The following IL1A variants were observed in gnomAD, a reference collection of about 807,000 sequenced individuals.
The protein encoded by IL1A is interleukin-1 alpha.
Under a neutral mutation model 22.2 loss-of-function variants are expected in IL1A, and 16 were observed. The ratio of observed to expected loss-of-function variants is 0.72; its 90% confidence interval spans 0.49 to 1.09. The LOEUF (loss-of-function observed/expected upper bound fraction) is 1.09. Ranked by LOEUF, IL1A falls within the 50% of genes least tolerant of loss-of-function variation. The probability of loss-of-function intolerance (pLI) is 0.00; values close to 1 mark genes in which losing one functional copy is unlikely to be tolerated. For missense variants in IL1A, 317 were observed against 321.8 expected (o/e 0.99, Z 0.11); for synonymous variants, 113 against 118.5 (o/e 0.95, Z 0.30).
intron 2 of IL1A, among the ~76,000 whole-genome samples, chr2:112,783,075 G>A (rs1681243693): frequency 6.6e-6 from 1 of 152,224 alleles, no homozygotes; most frequent in South Asian, 2.1e-4. Context: ...TTAGAGAAAA[G>A]AAAGGTTTTG....
Position 112,782,728 on chromosome 2 carries a change from C to T in IL1A, c.84G>A (p.Leu28=), listed in dbSNP as rs766943763. The change falls in exon 3 of 7, where the codon CTG becomes CTA. Residue 28 remains leucine (L), a synonymous_variant. Coordinates refer to ENST00000263339, the MANE Select transcript of IL1A (RefSeq NM_000575.5). The stretch of plus-strand genomic sequence containing the variant: ...GTCATTTGCTTACCTGATTCAGAGA[C>T]AGATGATCAATGGAGGAACTGTCTT... ...NEEDSSSIDH[L]SLNQKSFYHV... 1.2e-5 allele frequency: 19 copies of T among 1,607,006 alleles called. No individual in the cohort carries two copies. In the East Asian group the frequency reaches 1.3e-4, roughly 11 times the overall value.
intron 5 of IL1A, among the ~76,000 whole-genome samples, chr2:112,779,274 G>T (rs532786116): frequency 6.6e-6 from 1 of 152,286 alleles, no homozygotes; most frequent in African/African-American, 2.4e-5. Context: ...TACTCTCAAA[G>T]ATAGGAAACT....
At chr2:112,783,495 A>G (rs1681249220) in intron 2 of IL1A, among the ~76,000 whole-genome samples, 1 of 152,222 alleles carries the variant, frequency 6.6e-6, no homozygotes, top group Non-Finnish European at 1.5e-5. Context: ...GCAGACCTCA[A>G]AAATAATTTT....
At chr2:112,780,302 G>C (rs917347831) in intron 4 of IL1A, among the ~76,000 whole-genome samples, 3 of 152,174 alleles carry the variant, frequency 2.0e-5, no homozygotes, top group Non-Finnish European at 4.4e-5. Context: ...AGACATATTT[G>C]TTCACATGTA....
chr2:112,780,163 T>C (rs1165290000), intron 4 of IL1A, among the ~76,000 whole-genome samples: 1 of 152,184 alleles, frequency 6.6e-6, no homozygotes, highest in African/African-American at 2.4e-5. Flanking sequence ...GAAATGAATA[T>C]TTATTTATAC....
rs1186317987 is a variant in IL1A at position 112,774,928 on chromosome 2, G to C, written c.*139C>G. On this transcript the variant is annotated 3_prime_UTR_variant, in exon 7 of 7. Coordinates refer to ENST00000263339, the MANE Select transcript of IL1A (RefSeq NM_000575.5). ...TTAGTGTTGGTTCCACTCTTACAAA[G>C]AGTGTAAACATTCATTTAGAATTAC... 1 of 647,944 alleles carries C rather than the reference G, an allele frequency of 1.5e-6. No homozygotes were observed. 40.1% of individuals were successfully genotyped at this position (647,944 alleles called of 1,614,324 possible).
At position 112,781,814 on chromosome 2, in the gene IL1A, G is replaced by C; in HGVS notation, c.109C>G (p.His37Asp). 7.4e-6 allele frequency: 12 copies of C among 1,612,652 alleles called. No homozygotes were observed. Among genetic ancestry groups the C allele is most frequent in the Non-Finnish European group, 1.0e-5 (12 of 1,178,628 alleles). The change falls in exon 4 of 7, where the codon CAT (histidine) becomes GAT (aspartate). Residue 37 changes from histidine to aspartate, a missense_variant. His to Asp is a moderately conservative substitution (Grantham distance 81, BLOSUM62 -1). Transcript: ENST00000263339. ...TCATGGAGTGGGCCATAGCTTACATGATAGAAGGATTTCTGTGAGGAAGGA... is the reference window on the plus strand; with the variant it reads ...TCATGGAGTGGGCCATAGCTTACATCATAGAAGGATTTCTGTGAGGAAGGA... ...HLSLNQKSFY[H>D]VSYGPLHEGC... is the part of the protein sequence containing the mutation.
At chr2:112,782,207 G>A (rs970461176) in intron 3 of IL1A, among the ~76,000 whole-genome samples, 17 of 152,226 alleles carry the variant, frequency 1.1e-4, no homozygotes, top group African/African-American at 3.6e-4. Flanking sequence ...TTTAAAGCCA[G>A]TACTGAAGAC....
Position 112,779,613 on chromosome 2 carries a change from T to C in IL1A, c.373A>G (p.Asn125Asp), listed in dbSNP as rs17562. The C allele has an allele frequency of 1.7e-4, 281 of 1,612,852 alleles. 2 individuals are homozygous for C. The African/African-American group carries it at 3.2e-3, about 18-fold the overall frequency. The part of the protein sequence containing the change: ...PFSFLSNVKY[N>D]FMRIIKYEFI... ...TCGTATTTGATGATCCTCATAAAGTTGTATTTCACATTGCTCAGGAAGCTA... is the reference window on the plus strand; with the variant it reads ...TCGTATTTGATGATCCTCATAAAGTCGTATTTCACATTGCTCAGGAAGCTA... Residue 125 changes from asparagine (N) to aspartate (D), a missense_variant, in exon 5 of 7, where the codon AAC (asparagine) becomes GAC (aspartate). Transcript: ENST00000263339.
intron 5 of IL1A, 60 bp from the exon 6 acceptor site, chr2:112,778,171 T>A: frequency 6.8e-7 from 1 of 1,473,764 alleles, no homozygotes; most frequent in African/African-American, 1.4e-5. Flanking sequence ...AAATCAAGTG[T>A]TGATGTAGAT....
chr2:112,779,731 A>G (rs1681163731), intron 4 of IL1A, 65 bp from the exon 5 acceptor site: 1 of 1,164,838 alleles, frequency 8.6e-7, no homozygotes, highest in Non-Finnish European at 1.2e-6. Flanking sequence ...TACACAGTCT[A>G]GTACAAACAG....
intron 3 of IL1A, among the ~76,000 whole-genome samples, chr2:112,782,058 C>G (rs146690610): frequency 8.5e-5 from 13 of 152,156 alleles, no homozygotes; most frequent in African/African-American, 3.1e-4. Context: ...TTTGCATGCT[C>G]AAAAATGAGA....
rs1364001128 is a variant in IL1A, at chr2:112,775,037, T to C, written c.*30A>G. On this transcript the variant is annotated 3_prime_UTR_variant, in exon 7 of 7. Transcript: ENST00000263339. Reference sequence around the variant, plus strand: ...CATGGTACATATGAACTGTCAACACTGCACAAGTGAGACAAGTGAGACTCC... The same window carrying C: ...CATGGTACATATGAACTGTCAACACCGCACAAGTGAGACAAGTGAGACTCC... The C allele has an allele frequency of 2.5e-6, 4 of 1,573,334 alleles. No individual in the cohort carries two copies. The highest frequency in any genetic ancestry group is 3.5e-6 in the Non-Finnish European group (4 of 1,143,910).
intron 3 of IL1A, 106 bp from the exon 4 acceptor site, chr2:112,781,932 C>T: frequency 1.3e-6 from 1 of 754,842 alleles, no homozygotes; most frequent in Middle Eastern, 3.6e-4. Flanking sequence ...GATCTCCATT[C>T]TGGTCTTAGG....
chr2:112,781,833 G>A lies in IL1A; in HGVS notation c.97-7C>T, dbSNP rs774395622. ...TTACATGATAGAAGGATTTCTGTGA[G>A]GAAGGAAAACAGAAGCTGAGAGGCT... On this transcript the variant is annotated splice_polypyrimidine_tract_variant and splice_region_variant and intron_variant, in intron 3 of 6. Coordinates refer to ENST00000263339, the MANE Select transcript of IL1A (RefSeq NM_000575.5). 3 of 1,601,552 alleles carry A rather than the reference G, an allele frequency of 1.9e-6. No homozygotes were observed. Among genetic ancestry groups the A allele is most frequent in the South Asian group, 2.2e-5 (2 of 90,818 alleles).
rs1558769275 is a variant in IL1A at position 112,775,261 on chromosome 2, G to T, written c.622C>A (p.Pro208Thr). Reference sequence around the variant, plus strand: ...CCTGTGATGGTTTTGGGTATCTCAGGCATCTCCTATGAAGAAAAGAAGAGA... The same window carrying T: ...CCTGTGATGGTTTTGGGTATCTCAGTCATCTCCTATGAAGAAAAGAAGAGA... The part of the protein sequence containing the change: ...EDQPVLLKEM[P>T]EIPKTITGSE... Residue 208 changes from proline to threonine, a missense_variant, in exon 7 of 7, where the codon CCT becomes ACT. Pro to Thr is a conservative substitution (Grantham distance 38, BLOSUM62 -1). Coordinates refer to ENST00000263339, the MANE Select transcript of IL1A (RefSeq NM_000575.5). The T allele has an allele frequency of 6.2e-7, 1 of 1,612,878 alleles. No individual in the cohort carries two copies. Among genetic ancestry groups the T allele is most frequent in the South Asian group, 1.1e-5 (1 of 91,052 alleles).
chr2:112,784,231 G>A (rs1681262475), intron 1 of IL1A, among the ~76,000 whole-genome samples: 1 of 152,198 alleles, frequency 6.6e-6, no homozygotes, highest in Non-Finnish European at 1.5e-5. Context: ...TAGTTCTGCT[G>A]TCCCTCAGTA....
At chr2:112,775,746 T>C (rs1175781463) in intron 6 of IL1A, among the ~76,000 whole-genome samples, 2 of 152,040 alleles carry the variant, frequency 1.3e-5, no homozygotes, top group African/African-American at 2.4e-5. Context: ...CAATTGAAGG[T>C]TAAACACACG....
chr2:112,776,953 C>T (rs1432415412), intron 6 of IL1A, among the ~76,000 whole-genome samples: 1 of 129,398 alleles, frequency 7.7e-6, no homozygotes, highest in East Asian at 2.4e-4. Flanking sequence ...CCCACAACCA[C>T]GACCCGCCCC....
Sources: allele counts gnomAD v4.1 joint callset (sites outside exome capture counted in the v4.1 genomes callset), GRCh38; gene constraint gnomAD v4.1.1; transcripts MANE v1.5; gene names NCBI Gene and HGNC (gene_info 2026-07-23, HGNC 2026-07-21).